Variants in GRM3 observed in about 807,000 individuals in gnomAD.
GRM3 encodes glutamate metabotropic receptor 3.
A neutral mutation model predicts 70.5 loss-of-function variants in GRM3; 26 were observed. That is an observed-to-expected ratio of 0.37 (90% CI 0.27 to 0.51). The LOEUF is 0.51. Ranked by LOEUF, GRM3 falls within the 20% of genes least tolerant of loss-of-function variation. The pLI is 0.93. For missense variants in GRM3, 859 were observed against 1,123.8 expected, an observed-to-expected ratio of 0.76 and a Z score of 3.37; for synonymous variants, 443 against 434.9, an observed-to-expected ratio of 1.02 and a Z score of -0.23.
chr7:86,809,119 C>T (rs867154721), intron 3 of GRM3, among the ~76,000 whole-genome samples: 8 of 152,032 alleles, frequency 5.3e-5, no homozygotes, highest in African/African-American at 9.7e-5. Context: ...AGGATTCCCC[C>T]GCCATTTAAA....
At chr7:86,730,240 G>A (rs547472424) in intron 1 of GRM3, among the ~76,000 whole-genome samples, 2 of 152,272 alleles carry the variant, frequency 1.3e-5, no homozygotes, top group Admixed American at 1.3e-4. Flanking sequence ...GGCCAACATG[G>A]TGAAACCCGC....
In GRM3 at chr7:86,644,634, G is replaced by C. The variant is rs1302686176; in HGVS notation, c.-379G>C. 1.7e-5 allele frequency: 8 copies of C among 471,888 alleles called. No individual in the cohort carries two copies. The highest frequency in any genetic ancestry group is 3.3e-5 in the Non-Finnish European group (8 of 245,740). 29.2% of individuals were successfully genotyped at this position (471,888 alleles called of 1,614,324 possible). The stretch of plus-strand genomic sequence containing the variant: ...TGTTCTGCCACCGGGCAGTGGTCCA[G>C]CGTGCAGCCGGGAGGGGGCAGGGGC... On this transcript the variant is annotated 5_prime_UTR_variant, in exon 1 of 6. Transcript: ENST00000361669.
chr7:86,762,811 A>G (rs1203056123), intron 1 of GRM3, among the ~76,000 whole-genome samples: 1 of 152,058 alleles, frequency 6.6e-6, no homozygotes, highest in Non-Finnish European at 1.5e-5. Context: ...GCAAAAGGGA[A>G]CAGCATGAGC....
intron 1 of GRM3, among the ~76,000 whole-genome samples, chr7:86,648,909 T>C (rs944424723): frequency 5.3e-5 from 8 of 151,874 alleles, no homozygotes; most frequent in Admixed American, 3.3e-4. Context: ...AGTAGAGGAG[T>C]AAATGATATA....
intron 1 of GRM3, among the ~76,000 whole-genome samples, chr7:86,749,530 G>A (rs965643426): frequency 1.3e-5 from 2 of 152,088 alleles, no homozygotes; most frequent in South Asian, 2.1e-4. Flanking sequence ...CACCAAACAC[G>A]GCCTTGATGA....
At chr7:86,749,636 G>A (rs1256425192) in intron 1 of GRM3, among the ~76,000 whole-genome samples, 4 of 151,950 alleles carry the variant, frequency 2.6e-5, no homozygotes, top group African/African-American at 9.7e-5. Context: ...TAGAAGAAAA[G>A]TTCTCCTGAA....
At chr7:86,751,616 C>T (rs1261526657) in intron 1 of GRM3, among the ~76,000 whole-genome samples, 1 of 152,082 alleles carries the variant, frequency 6.6e-6, no homozygotes, top group Non-Finnish European at 1.5e-5. Flanking sequence ...CACTCTTCAC[C>T]TTTCTCTTCC....
intron 1 of GRM3, among the ~76,000 whole-genome samples, chr7:86,719,794 A>T (rs10245069): frequency 0.056 from 8,576 of 152,044 alleles, 350 homozygotes; most frequent in African/African-American, 0.11. Flanking sequence ...ATCATAGAGG[A>T]CTATTCCATG....
chr7:86,802,328 G>A (rs1797701488), intron 3 of GRM3, among the ~76,000 whole-genome samples: 1 of 152,002 alleles, frequency 6.6e-6, no homozygotes, highest in Non-Finnish European at 1.5e-5. Context: ...TTTAGAAAAA[G>A]GATGCAGTCT....
At chr7:86,704,023 G>C (rs1459237418) in intron 1 of GRM3, among the ~76,000 whole-genome samples, 1 of 151,720 alleles carries the variant, frequency 6.6e-6, no homozygotes. Flanking sequence ...CTTTCTGTTG[G>C]TCTTAAATCA....
chr7:86,774,837 G>A (rs1796846194), intron 2 of GRM3, among the ~76,000 whole-genome samples: 1 of 152,040 alleles, frequency 6.6e-6, no homozygotes, highest in South Asian at 2.1e-4. Context: ...TTGAACAAAT[G>A]ATCTAAAATT....
In GRM3 at chr7:86,703,883, T is replaced by C. The variant is rs1794999547; in HGVS notation, c.-141+59011T>C. On this transcript the variant is annotated intron_variant, in intron 1 of 5. Transcript: ENST00000361669. The stretch of plus-strand genomic sequence containing the variant: ...CCTGCCCTAGACACTAGATATATGT[T>C]CAATGACCTTTAAAGTTAAAATAAG... 2.0e-5 allele frequency among the ~76,000 whole-genome samples: 3 copies of C among 151,930 alleles called. No individual in the cohort carries two copies. The South Asian group carries it at 6.2e-4, about 31-fold the overall frequency.
At chr7:86,863,591 T>A (rs1798999047) in intron 5 of GRM3, among the ~76,000 whole-genome samples, 1 of 152,170 alleles carries the variant, frequency 6.6e-6, no homozygotes. Flanking sequence ...TACTAGTGTT[T>A]TTACTGAGGT....
At chr7:86,743,389 G>A (rs1796031465) in intron 1 of GRM3, among the ~76,000 whole-genome samples, 1 of 152,052 alleles carries the variant, frequency 6.6e-6, no homozygotes, top group Non-Finnish European at 1.5e-5. Context: ...CATAGTCTCT[G>A]AAGAACTGAA....
Position 86,839,570 on chromosome 7 carries a change from A to G in GRM3, c.2056A>G (p.Ser686Gly), listed in dbSNP as rs776808188. The stretch of plus-strand genomic sequence containing the variant: ...TCAGAGGCCAAAATTCATCAGCCCC[A>G]GTTCTCAGGTTTTCATCTGCCTGGG... ...GAQRPKFISP[S>G]SQVFICLGLI... The change falls in exon 4 of 6, where the codon AGT (serine) becomes GGT (glycine). Residue 686 changes from serine to glycine, a missense_variant. Coordinates refer to ENST00000361669, the MANE Select transcript of GRM3 (RefSeq NM_000840.3). The surrounding 1 kb of genome is among the most constrained non-coding windows in gnomAD (Gnocchi z 4.5). 3.1e-6 allele frequency: 5 copies of G among 1,611,814 alleles called. 1 individual carries two copies. In the South Asian group the frequency reaches 4.4e-5, roughly 14 times the overall value.
intron 1 of GRM3, among the ~76,000 whole-genome samples, chr7:86,751,626 C>T (rs1389793626): frequency 2.0e-5 from 3 of 152,052 alleles, no homozygotes; most frequent in Admixed American, 6.6e-5. Context: ...CTTTCTCTTC[C>T]CATGCAGCCT....
At chr7:86,734,100 G>A (rs1013191480) in intron 1 of GRM3, among the ~76,000 whole-genome samples, 1 of 152,136 alleles carries the variant, frequency 6.6e-6, no homozygotes, top group African/African-American at 2.4e-5. Context: ...AAGTAGGGGG[G>A]AGAAAAGACA....
chr7:86,843,179 A>T (rs950266183), intron 4 of GRM3, among the ~76,000 whole-genome samples: 1 of 152,204 alleles, frequency 6.6e-6, no homozygotes, highest in Non-Finnish European at 1.5e-5. Context: ...ACTCTGCTAG[A>T]TGCTTTAAGT....
intron 1 of GRM3, among the ~76,000 whole-genome samples, chr7:86,697,700 TA>T (rs200607894): frequency 1.3e-5 from 2 of 151,246 alleles, no homozygotes; most frequent in African/African-American, 4.9e-5. Flanking sequence ...ATGATTTCCC[TA>T]AAAAAAAATT....
Sources: gnomAD v4.1 joint callset for allele counts (sites outside exome capture counted in the v4.1 genomes callset) on GRCh38, gnomAD v4.1.1 for gene constraint, Gnocchi (gnomAD v3.1) non-coding constraint, MANE v1.5 for transcripts, NCBI Gene and HGNC (gene_info 2026-07-23, HGNC 2026-07-21) for gene names.